The following FBXL5 variants were observed in gnomAD, a reference collection of about 807,000 sequenced individuals.
The protein encoded by FBXL5 is F-box and leucine rich repeat protein 5, also known as F-box/LRR-repeat protein 5.
Under a neutral mutation model 78.3 loss-of-function variants are expected in FBXL5, and 26 were observed. The observed-to-expected ratio is 0.33, with a 90% CI of 0.24 to 0.46. FBXL5 has a LOEUF of 0.46. Among genes scored for constraint, FBXL5 ranks in the 20% least tolerant of loss-of-function variants. FBXL5 has a pLI of 1.00. For missense variants in FBXL5, 710 were observed against 829.2 expected (o/e 0.86, Z 1.77); for synonymous variants, 295 against 282.5 (o/e 1.04, Z -0.45).
intron 10 of FBXL5, among the ~76,000 whole-genome samples, chr4:15,606,329 G>GGTA (rs1460884916): frequency 5.3e-5 from 8 of 151,824 alleles, no homozygotes; most frequent in African/African-American, 1.9e-4. Flanking sequence ...ATCTATATAT[G>GGTA]GTAGGGTTAG....
chr4:15,623,603 A>T (rs1356419581), intron 9 of FBXL5, among the ~76,000 whole-genome samples: 1 of 152,204 alleles, frequency 6.6e-6, no homozygotes, highest in African/African-American at 2.4e-5. Flanking sequence ...ACAAAATCAT[A>T]TTACAGTTAG....
At chr4:15,655,843 G>A (rs974507682), upstream of FBXL5, among the ~76,000 whole-genome samples, 3 of 152,198 alleles carry the variant, frequency 2.0e-5, no homozygotes, top group African/African-American at 7.2e-5. Context: ...TTTTTCCTGG[G>A]GCCGAGCGCA....
In FBXL5 at chr4:15,645,785, A is replaced by G. The variant is rs547200478; in HGVS notation, c.85-1077T>C. On this transcript the variant is annotated intron_variant, in intron 1 of 10. Coordinates refer to ENST00000341285, the MANE Select transcript of FBXL5 (RefSeq NM_012161.4). The stretch of plus-strand genomic sequence containing the variant: ...TAAATGGATATAATAAAACATCTGT[A>G]TTTCACATGGTTGTTAGTACTCAAT... Among the ~76,000 whole-genome samples, 15 of 152,320 alleles carry G rather than the reference A, an allele frequency of 9.8e-5. No homozygotes were observed. In the South Asian group the frequency reaches 3.1e-3, roughly 32 times the overall value.
chr4:15,610,144 A>G (rs1722151058), intron 10 of FBXL5, among the ~76,000 whole-genome samples: 1 of 152,110 alleles, frequency 6.6e-6, no homozygotes, highest in African/African-American at 2.4e-5. Flanking sequence ...AGCATTCACT[A>G]GATATCTACT....
chr4:15,612,065 A>T (rs1722306925), intron 10 of FBXL5: 1 of 445,376 alleles, frequency 2.2e-6, no homozygotes. Flanking sequence ...TTTAGAATAT[A>T]CATCTGCAAG....
rs1248274208 is a variant in FBXL5, at chr4:15,604,767, GGCCTCCACTCTCAT to G, written c.*942_*955del. 6.6e-6 allele frequency: 1 copy of G among 152,210 alleles called. No individual in the cohort carries two copies. The highest frequency in any genetic ancestry group is 1.5e-5 in the Non-Finnish European group (1 of 68,044). The allele number at this position is 152,210 out of a possible 1,614,324, so 9.4% of individuals were successfully genotyped here. A position where few individuals can be genotyped will look rare whatever the true frequency, so the allele number is the denominator to read the frequency against. Reference sequence around the variant, plus strand: ...CTAGTATGTGCCTTTCTGGGTGGCAGGCCTCCACTCTCATGATGTTTTAACAAAGCAAAGTAGAT... The same window carrying G: ...CTAGTATGTGCCTTTCTGGGTGGCAGGATGTTTTAACAAAGCAAAGTAGAT... On this transcript the variant is annotated 3_prime_UTR_variant, in exon 11 of 11. Transcript: ENST00000341285.
chr4:15,625,126 C>T (rs922699559), intron 9 of FBXL5, 126 bp downstream of exon 9: 2 of 1,030,742 alleles, frequency 1.9e-6, no homozygotes, highest in African/African-American at 1.6e-5. Flanking sequence ...TGAAGTAGGG[C>T]AGATCTTGGT....
chr4:15,656,386 C>G (rs1273942132), upstream of FBXL5: 7 of 432,796 alleles, frequency 1.6e-5, no homozygotes, highest in Non-Finnish European at 2.8e-5. Flanking sequence ...AGCCTGAGAA[C>G]CTTGGGAGGA....
intron 9 of FBXL5, among the ~76,000 whole-genome samples, chr4:15,616,854 C>G (rs1711941718): frequency 6.6e-6 from 1 of 152,188 alleles, no homozygotes; most frequent in South Asian, 2.1e-4. Context: ...ATGTTGTGTT[C>G]AGAGGCAGAC....
chr4:15,627,056 G>T, intron 7 of FBXL5, 101 bp from the exon 8 acceptor site: 18 of 464,736 alleles, frequency 3.9e-5, no homozygotes, highest in Non-Finnish European at 5.2e-5. Flanking sequence ...AAACTTTTGT[G>T]AATATAAAAA....
At chr4:15,626,986 T>A (rs1713127534) in intron 7 of FBXL5, 31 bp from the exon 8 acceptor site, 2 of 1,453,198 alleles carry the variant, frequency 1.4e-6, no homozygotes, top group African/African-American at 1.4e-5. Flanking sequence ...ACTGTAAAGA[T>A]CTGCAGAACT....
chr4:15,623,614 G>A (rs931812275), intron 9 of FBXL5, among the ~76,000 whole-genome samples: 2 of 151,998 alleles, frequency 1.3e-5, no homozygotes, highest in African/African-American at 2.4e-5. Flanking sequence ...TTACAGTTAG[G>A]AATACAGACA....
intron 6 of FBXL5, 50 bp downstream of exon 6, chr4:15,630,616 T>A (rs1713527075): frequency 2.1e-6 from 3 of 1,459,856 alleles, no homozygotes; most frequent in Non-Finnish European, 2.7e-6. Flanking sequence ...AGTACTTAAT[T>A]ATCAATTATT....
intron 1 of FBXL5, among the ~76,000 whole-genome samples, chr4:15,649,579 A>C (rs1326648965): frequency 3.2e-5 from 2 of 62,682 alleles, no homozygotes; most frequent in South Asian, 7.6e-4. Context: ...ACTACGTCTC[A>C]AAAAAAAAAA....
intron 3 of FBXL5, 53 bp from the exon 4 acceptor site, chr4:15,638,747 C>T: frequency 1.8e-6 from 2 of 1,126,672 alleles, no homozygotes; most frequent in Non-Finnish European, 2.5e-6. Context: ...TGTTGATTTA[C>T]TCTAAACCCT....
upstream of FBXL5, among the ~76,000 whole-genome samples, chr4:15,655,772 A>G (rs77355802): frequency 0.017 from 2,581 of 152,198 alleles, 75 homozygotes; most frequent in African/African-American, 0.058. Flanking sequence ...TGGGTGACCA[A>G]TGCTTCTGGC....
chr4:15,679,037 C>T (rs1159227446), intron 1 of FBXL5, among the ~76,000 whole-genome samples: 5 of 151,026 alleles, frequency 3.3e-5, no homozygotes, highest in Non-Finnish European at 7.4e-5. Context: ...AAAATCTCAA[C>T]AATTTTTCAC....
At chr4:15,656,374 G>A (rs1461053464), upstream of FBXL5, 4 of 443,502 alleles carry the variant, frequency 9.0e-6, no homozygotes, top group Non-Finnish European at 1.8e-5. Context: ...AGAAAACAGG[G>A]AAGCCTGAGA....
intron 1 of FBXL5, among the ~76,000 whole-genome samples, chr4:15,677,129 A>G (rs1718023798): frequency 6.6e-6 from 1 of 152,208 alleles, no homozygotes; most frequent in Non-Finnish European, 1.5e-5. Flanking sequence ...ACAAAATTCA[A>G]GATAATGGTT....
Sources: gnomAD v4.1 joint callset for allele counts (sites outside exome capture counted in the v4.1 genomes callset) on GRCh38, gnomAD v4.1.1 for gene constraint, MANE v1.5 for transcripts, NCBI Gene and HGNC (gene_info 2026-07-23, HGNC 2026-07-21) for gene names.